POGK: variants seen among roughly 807,000 people sequenced by gnomAD.
POGK encodes the protein pogo transposable element derived with KRAB domain.
In POGK, 16 loss-of-function variants were observed where a neutral mutation model predicts 54.4. That is an observed-to-expected ratio of 0.29 (90% CI 0.20 to 0.45). POGK has a LOEUF of 0.45. POGK is among the 20% of genes least tolerant of loss of function. POGK has a pLI of 1.00. For missense variants in POGK, 515 were observed against 795.6 expected (o/e 0.65, Z 4.24); for synonymous variants, 271 against 302.2 (o/e 0.90, Z 1.07).
At chr1:166,848,272 T>C (rs1344585351) in intron 4 of POGK, among the ~76,000 whole-genome samples, 1 of 152,254 alleles carries the variant, frequency 6.6e-6, no homozygotes, top group African/African-American at 2.4e-5. Context: ...AGTAGTGTTT[T>C]CTTTCTTAAT....
chr1:166,842,797 A>G (rs999205074), intron 2 of POGK, among the ~76,000 whole-genome samples: 1 of 152,246 alleles, frequency 6.6e-6, no homozygotes, highest in South Asian at 2.1e-4. Flanking sequence ...GATAGAAGCC[A>G]GGGGAGCTGC....
intron 3 of POGK, 42 bp from the exon 4 acceptor site, chr1:166,847,452 C>T: frequency 6.8e-7 from 1 of 1,473,750 alleles, no homozygotes; most frequent in Non-Finnish European, 9.5e-7. Flanking sequence ...TGCTCCAGGA[C>T]AGTAACACAC....
chr1:166,848,850 T>C, intron 4 of POGK, 88 bp from the exon 5 acceptor site: 1 of 1,460,494 alleles, frequency 6.8e-7, no homozygotes, highest in Non-Finnish European at 9.2e-7. Context: ...CAGATTAAGG[T>C]ATTCTTAGCA....
intron 5 of POGK, chr1:166,851,708 C>T (rs1407591646): frequency 2.6e-5 from 4 of 152,176 alleles, no homozygotes; most frequent in African/African-American, 9.7e-5. Context: ...TTCTCATCTC[C>T]CTAATTATAA....
chr1:166,851,064 A>G (rs1384739032), intron 5 of POGK: 1 of 152,226 alleles, frequency 6.6e-6, no homozygotes, highest in East Asian at 1.9e-4. Context: ...TTTGGACCCA[A>G]AGAAGCATAG....
chr1:166,849,428 G>A lies in POGK; in HGVS notation c.849G>A (p.Glu283=). 3 of 1,614,244 alleles carry A rather than the reference G, an allele frequency of 1.9e-6. No individual in the cohort carries two copies. The highest frequency in any genetic ancestry group is 2.5e-6 in the Non-Finnish European group (3 of 1,180,050). ...MQAKGDPITR[E]AMQLKALEIA... ...CCAAAGGGGACCCCATCACCCGGGAGGCGATGCAGCTGAAAGCTCTCGAAA... is the reference window on the plus strand; with the variant it reads ...CCAAAGGGGACCCCATCACCCGGGAAGCGATGCAGCTGAAAGCTCTCGAAA... The change falls in exon 5 of 6, where the codon GAG becomes GAA. Residue 283 remains glutamate (E), a synonymous_variant. Coordinates refer to ENST00000367876, the MANE Select transcript of POGK (RefSeq NM_017542.5).
chr1:166,847,367 G>A, intron 3 of POGK, 127 bp from the exon 4 acceptor site: 1 of 674,168 alleles, frequency 1.5e-6, no homozygotes, highest in Non-Finnish European at 2.5e-6. Context: ...AAGTATCCCT[G>A]AGCCTTTTTC....
chr1:166,853,889 A>ACTTAAC lies in POGK; in HGVS notation c.*1322_*1327dup, dbSNP rs923006121. 1 of 152,200 alleles carries ACTTAAC rather than the reference A, an allele frequency of 6.6e-6. No individual in the cohort carries two copies. Among genetic ancestry groups the ACTTAAC allele is most frequent in the African/African-American group, 2.4e-5 (1 of 41,466 alleles). 9.4% of individuals were successfully genotyped at this position (152,200 alleles called of 1,614,324 possible). On this transcript the variant is annotated 3_prime_UTR_variant, in exon 6 of 6. Transcript: ENST00000367876. ...GTTTTCCCCCAAGGGGGGAAATTTTACTTAACCTCTAGTATTTGAACAACT... is the reference window on the plus strand; with the variant it reads ...GTTTTCCCCCAAGGGGGGAAATTTTACTTAACCTTAACCTCTAGTATTTGAACAACT...
chr1:166,847,852 G>T (rs2101760274), intron 4 of POGK, among the ~76,000 whole-genome samples: 1 of 152,198 alleles, frequency 6.6e-6, no homozygotes, highest in Middle Eastern at 3.4e-3. Context: ...GCAAAATGAG[G>T]CTTGTGCAGC....
At position 166,855,712 on chromosome 1, in the gene POGK, T is replaced by G. The variant is rs963917779; in HGVS notation, c.*3142T>G. 5.3e-5 allele frequency: 8 copies of G among 152,246 alleles called. No homozygotes were observed. Among genetic ancestry groups the G allele is most frequent in the Non-Finnish European group, 1.0e-4 (7 of 68,084 alleles). 9.4% of individuals were successfully genotyped at this position (152,246 alleles called of 1,614,324 possible). A position where few individuals can be genotyped will look rare whatever the true frequency, so the allele number is the denominator to read the frequency against. On this transcript the variant is annotated 3_prime_UTR_variant, in exon 6 of 6. Transcript: ENST00000367876. ...TAGAGAGTAGTGAGAAGTTTTCCAG[T>G]TTGCAGTTTCCTCTGTGCTGTATGT...
chr1:166,840,051 G>C (rs937456414), intron 1 of POGK: 12 of 152,182 alleles, frequency 7.9e-5, no homozygotes, highest in Non-Finnish European at 1.2e-4. Context: ...GGCATCTGAA[G>C]CCTAGACCCA....
chr1:166,841,140 C>T (rs755644460), intron 2 of POGK, 52 bp downstream of exon 2: 55 of 1,598,418 alleles, frequency 3.4e-5, no homozygotes, highest in South Asian at 3.1e-4. Context: ...GGCCTGAGAG[C>T]CCAGCTTGCT....
chr1:166,855,096 A>G lies in POGK; in HGVS notation c.*2526A>G, dbSNP rs1658228552. ...CCTTGGTTGATCAGAGAAGTGGGTGATAAGAACGTGCTAAATAACAAACCT... is the reference window on the plus strand; with the variant it reads ...CCTTGGTTGATCAGAGAAGTGGGTGGTAAGAACGTGCTAAATAACAAACCT... On this transcript the variant is annotated 3_prime_UTR_variant, in exon 6 of 6. Transcript: ENST00000367876. The G allele has an allele frequency of 6.6e-6, 1 of 151,084 alleles. No homozygotes were observed. The highest frequency in any genetic ancestry group is 2.1e-4 in the South Asian group (1 of 4,830). The allele number at this position is 151,084 out of a possible 1,614,324, so 9.4% of individuals were successfully genotyped here.
intron 5 of POGK, 110 bp downstream of exon 5, chr1:166,850,533 C>A: frequency 7.8e-7 from 1 of 1,279,972 alleles, no homozygotes; most frequent in Non-Finnish European, 1.0e-6. Flanking sequence ...GCCTACAGTG[C>A]AGTAGTGTAG....
Position 166,848,831 on chromosome 1 carries a change from G to A in POGK, c.359-107G>A, listed in dbSNP as rs948762975. 42 of 1,398,930 alleles carry A rather than the reference G, an allele frequency of 3.0e-5. No individual in the cohort carries two copies. In the African/African-American group the frequency reaches 5.8e-4, roughly 19 times the overall value. 86.7% of individuals were successfully genotyped at this position (1,398,930 alleles called of 1,614,324 possible). A position where few individuals can be genotyped will look rare whatever the true frequency, so the allele number is the denominator to read the frequency against. On this transcript the variant is annotated intron_variant, in intron 4 of 5. Coordinates refer to ENST00000367876, the MANE Select transcript of POGK (RefSeq NM_017542.5). ...ACCTGTTATTAAAGTTACTACTTTT[G>A]GTGAACTTCAGATTAAGGTATTCTT...
chr1:166,841,199 G>C, intron 2 of POGK, 111 bp downstream of exon 2: 3 of 1,415,920 alleles, frequency 2.1e-6, no homozygotes, highest in Non-Finnish European at 2.8e-6. Flanking sequence ...AGCCCAGCCC[G>C]GTGTGTTTGC....
chr1:166,840,778 T>C (rs1657468364), intron 1 of POGK, among the ~76,000 whole-genome samples, 177 bp from the exon 2 acceptor site: 1 of 152,202 alleles, frequency 6.6e-6, no homozygotes, highest in Admixed American at 6.5e-5. Context: ...GCCTCTCTTA[T>C]CATAATTAAA....
chr1:166,847,346 C>G lies in POGK; in HGVS notation c.260-148C>G, dbSNP rs1163129501. The G allele has an allele frequency of 1.3e-5, 8 of 603,518 alleles. No individual in the cohort carries two copies. The African/African-American group carries it at 1.5e-4, about 11-fold the overall frequency. 37.4% of individuals were successfully genotyped at this position (603,518 alleles called of 1,614,324 possible). ...TTTAGACAGACCTATTTTCCATTAT[C>G]TTTTTTCTTTAAGTATCCCTGAGCC... On this transcript the variant is annotated intron_variant, in intron 3 of 5. Transcript: ENST00000367876.
rs899486489 is a variant in POGK, at chr1:166,855,934, A to ATTC, written c.*3367_*3369dup. ...GTTTAAATTCTTCCAAGCCCTAAAA[A>ATTC]TTCTTACGTAGTTTCTCACCTAAAA... is the stretch of plus-strand genomic sequence containing the variant. On this transcript the variant is annotated 3_prime_UTR_variant, in exon 6 of 6. Coordinates refer to ENST00000367876, the MANE Select transcript of POGK (RefSeq NM_017542.5). The ATTC allele has an allele frequency of 6.6e-5, 10 of 152,370 alleles. No individual in the cohort carries two copies. The highest frequency in any genetic ancestry group is 2.4e-4 in the African/African-American group (10 of 41,592). The allele number at this position is 152,370 out of a possible 1,614,324, so 9.4% of individuals were successfully genotyped here.
Sources: gnomAD v4.1 joint callset for allele counts (sites outside exome capture counted in the v4.1 genomes callset) on GRCh38, gnomAD v4.1.1 for gene constraint, MANE v1.5 for transcripts, NCBI Gene and HGNC (gene_info 2026-07-23, HGNC 2026-07-21) for gene names.